Variants in MSH6 observed in about 807,000 individuals in gnomAD.
MSH6 encodes mutS homolog 6.
MSH6 carries 85 observed loss-of-function variants against 119.1 expected under a neutral mutation model. The observed-to-expected ratio is 0.71, with a 90% CI of 0.60 to 0.85. The LOEUF is 0.85. Ranked by LOEUF, MSH6 falls within the 40% of genes least tolerant of loss-of-function variation. The probability of loss-of-function intolerance (pLI) is 0.00; values close to 1 mark genes in which losing one functional copy is unlikely to be tolerated. For missense variants in MSH6, 2,163 were observed against 1,655.3 expected, an observed-to-expected ratio of 1.31 and a Z score of -5.32; for synonymous variants, 830 against 586.9, an observed-to-expected ratio of 1.41 and a Z score of -5.99.
chr2:47,798,039 G>A, intron 3 of MSH6: 1 of 213,852 alleles, frequency 4.7e-6, no homozygotes, highest in South Asian at 8.7e-5. Flanking sequence ...TGCCCTTCTT[G>A]TATTATGTCA....
Position 47,799,111 on chromosome 2 carries a change from AAAGAG to A in MSH6, c.1135_1139del (p.Arg379Ter), listed in dbSNP as rs267608077. 2.5e-6 allele frequency: 4 copies of A among 1,614,148 alleles called. No homozygotes were observed. The highest frequency in any genetic ancestry group is 3.4e-6 in the Non-Finnish European group (4 of 1,180,022). ...AAACTTTAGAATGGCTTAAGGAGGA[AAAGAG>A]AAGAGATGAGCACAGGAGGAGGCCT... is the stretch of plus-strand genomic sequence containing the variant. On this transcript the variant is annotated frameshift_variant, in exon 4 of 10. Transcript: ENST00000234420. LOFTEE classifies it high-confidence loss of function.
downstream of MSH6, chr2:47,808,600 C>G (rs749315823): frequency 2.1e-5 from 11 of 521,048 alleles, no homozygotes; most frequent in African/African-American, 3.9e-5. Flanking sequence ...AGTGATTTTC[C>G]TGTCATCTGT....
chr2:47,788,323 C>T (rs1229564855), intron 1 of MSH6, among the ~76,000 whole-genome samples: 6 of 129,234 alleles, frequency 4.6e-5, no homozygotes, highest in South Asian at 2.5e-4. Flanking sequence ...GGCACGATCT[C>T]GGCTTACTGC....
rs1396927740 is a variant in MSH6, at chr2:47,790,910, T to A, written c.261-17T>A. The A allele has an allele frequency of 6.2e-7, 1 of 1,613,626 alleles. No individual in the cohort carries two copies. Among genetic ancestry groups the A allele is most frequent in the African/African-American group, 1.3e-5 (1 of 75,062 alleles). ...GACCAAATATTAACTAAGTTATGTA[T>A]TTCCTTTTGGCAACAGTTGTGACTT... On this transcript the variant is annotated splice_polypyrimidine_tract_variant and intron_variant, in intron 1 of 9. Transcript: ENST00000234420.
chr2:47,790,867 C>T (rs1668678813), intron 1 of MSH6, 60 bp from the exon 2 acceptor site: 5 of 1,476,666 alleles, frequency 3.4e-6, no homozygotes, highest in East Asian at 4.5e-5. Context: ...TTGTAGGTAA[C>T]TGCCTTTAAG....
chr2:47,799,368 C>T lies in MSH6; in HGVS notation c.1385C>T (p.Pro462Leu), dbSNP rs1558661506. ...GGCAACTGGGCCCATTCTGGCTTTCCTGAAATTGCATTTGGCCGTTATTCA... is the reference window on the plus strand; with the variant it reads ...GGCAACTGGGCCCATTCTGGCTTTCTTGAAATTGCATTTGGCCGTTATTCA... ...MKGNWAHSGF[P>L]EIAFGRYSDS... The change falls in exon 4 of 10, where the codon CCT becomes CTT. Residue 462 changes from proline to leucine, a missense_variant. Transcript: ENST00000234420. The T allele has an allele frequency of 2.5e-6, 4 of 1,614,016 alleles. No homozygotes were observed. The highest frequency in any genetic ancestry group is 2.2e-5 in the East Asian group (1 of 44,880).
rs63750440 is a variant in MSH6 at position 47,799,065 on chromosome 2, G to A, written c.1082G>A (p.Arg361His). The A allele has an allele frequency of 1.8e-5, 29 of 1,614,072 alleles. No individual in the cohort carries two copies. The highest frequency in any genetic ancestry group is 2.2e-5 in the East Asian group (1 of 44,894). ...AGTGGAGGTGGTGATGACAGTAGTC[G>A]CCCTACTGTTTGGTATCATGAAACT... ...HVSGGGDDSS[R>H]PTVWYHETLE... Residue 361 changes from arginine to histidine, a missense_variant, in exon 4 of 10, where the codon CGC (arginine) becomes CAC (histidine). Physicochemically the swap from Arg to His is conservative, Grantham distance 29 (BLOSUM62 0). Transcript: ENST00000234420.
chr2:47,790,224 C>T (rs575934629), intron 1 of MSH6, among the ~76,000 whole-genome samples: 31 of 152,232 alleles, frequency 2.0e-4, no homozygotes, highest in African/African-American at 5.8e-4. Context: ...GAGTTTAAGA[C>T]GAGCCTGGCC....
At chr2:47,803,884 A>G (rs1267208249) in intron 5 of MSH6, among the ~76,000 whole-genome samples, 199 bp downstream of exon 5, 1 of 152,226 alleles carries the variant, frequency 6.6e-6, no homozygotes, top group Non-Finnish European at 1.5e-5. Flanking sequence ...TAAGGGGAAT[A>G]TATGTTAAAA....
intron 5 of MSH6, among the ~76,000 whole-genome samples, chr2:47,804,479 G>C (rs1345411813): frequency 6.6e-6 from 1 of 151,454 alleles, no homozygotes; most frequent in Non-Finnish European, 1.5e-5. Flanking sequence ...AGTGTGTATA[G>C]TGATTTCCAA....
chr2:47,797,980 AC>A (rs1381821457), intron 3 of MSH6: 2 of 207,390 alleles, frequency 9.6e-6, no homozygotes, highest in Admixed American at 9.2e-5. Flanking sequence ...TACCCCCCAT[AC>A]CCACTCTGCT....
chr2:47,809,445 C>T (rs1440452284), downstream of MSH6: 3 of 696,010 alleles, frequency 4.3e-6, no homozygotes, highest in South Asian at 2.0e-5. Flanking sequence ...TAAGATACTC[C>T]AACCATTTAG....
intron 4 of MSH6, chr2:47,801,361 G>GTTTTTTTTTTTT (rs10666222): frequency 0.01 from 936 of 89,962 alleles, 192 homozygotes; most frequent in Admixed American, 0.014. Context: ...CCTTTCTTCA[G>GTTTTTTTTTTTT]TTTTTTTTTT....
intron 1 of MSH6, among the ~76,000 whole-genome samples, chr2:47,786,490 A>G (rs910477982): frequency 1.4e-5 from 2 of 143,228 alleles, no homozygotes; most frequent in African/African-American, 2.6e-5. Flanking sequence ...GCCTGCCACC[A>G]CGCCCAGCTA....
chr2:47,801,524 T>C lies in MSH6; in HGVS notation c.3172+369T>C, dbSNP rs370830612. Among the ~76,000 whole-genome samples the C allele has an allele frequency of 4.0e-5, 6 of 151,808 alleles. No homozygotes were observed. In the East Asian group the frequency reaches 1.2e-3, roughly 29 times the overall value. The stretch of plus-strand genomic sequence containing the variant: ...CTGAGATTACAGATATGCACCACCA[T>C]GCATGGCTAATATTTAAATGTTTGT... On this transcript the variant is annotated intron_variant, in intron 4 of 9. Transcript: ENST00000234420.
rs772707858 is a variant in MSH6 at position 47,806,825 on chromosome 2, G to A, written c.4048G>A (p.Val1350Ile). ...AAGGTCAACTGTAGATGCTGAAGCTGTCCATAAATTGCTGACTTTGATTAA... is the reference window on the plus strand; with the variant it reads ...AAGGTCAACTGTAGATGCTGAAGCTATCCATAAATTGCTGACTTTGATTAA... ...SERSTVDAEA[V>I]HKLLTLIKEL The change falls in exon 10 of 10, where the codon GTC becomes ATC. Residue 1350 changes from valine (V) to isoleucine (I), a missense_variant. Transcript: ENST00000234420. 6.2e-7 allele frequency: 1 copy of A among 1,610,164 alleles called. No homozygotes were observed. Among genetic ancestry groups the A allele is most frequent in the East Asian group, 2.2e-5 (1 of 44,746 alleles).
rs115386788 is a variant in MSH6, at chr2:47,800,946, G to C, written c.2963G>C (p.Arg988Pro). The change falls in exon 4 of 10, where the codon CGC becomes CCC. Residue 988 changes from arginine (R) to proline (P), a missense_variant. Transcript: ENST00000234420. ...QLEIPENFTT[R>P]NLPEEYELKS... ...GAAATTCCTGAGAATTTCACCACTCGCAATTTGCCAGAAGAATACGAGTTG... is the reference window on the plus strand; with the variant it reads ...GAAATTCCTGAGAATTTCACCACTCCCAATTTGCCAGAAGAATACGAGTTG... The C allele has an allele frequency of 3.8e-6, 6 of 1,571,690 alleles. No homozygotes were observed. Among genetic ancestry groups the C allele is most frequent in the Non-Finnish European group, 4.3e-6 (5 of 1,160,630 alleles).
At chr2:47,792,486 G>A (rs1668794522) in intron 2 of MSH6, among the ~76,000 whole-genome samples, 1 of 152,146 alleles carries the variant, frequency 6.6e-6, no homozygotes, top group Non-Finnish European at 1.5e-5. Flanking sequence ...CATAATCTTG[G>A]CCAAGCAAAG....
intron 3 of MSH6, chr2:47,797,917 C>A: frequency 4.6e-6 from 1 of 217,086 alleles, no homozygotes; most frequent in South Asian, 8.0e-5. Flanking sequence ...AGCTCAAACT[C>A]AAGCCTCAGC....
Sources: allele counts gnomAD v4.1 joint callset (sites outside exome capture counted in the v4.1 genomes callset), GRCh38; gene constraint gnomAD v4.1.1; transcripts MANE v1.5; gene names NCBI Gene and HGNC (gene_info 2026-07-23, HGNC 2026-07-21).